Variants in PLIN3 observed in about 807,000 individuals in gnomAD.
PLIN3 encodes perilipin-3.
PLIN3 carries 30 observed loss-of-function variants against 35.9 expected under a neutral mutation model. The ratio of observed to expected loss-of-function variants is 0.84; its 90% CI spans 0.62 to 1.13. The LOEUF (loss-of-function observed/expected upper bound fraction) is 1.13, where lower values mean the gene tolerates loss of function less well. Among genes scored for constraint, PLIN3 ranks in the 50% most tolerant of loss-of-function variants. The probability of loss-of-function intolerance (pLI) is 0.00; values close to 1 mark genes in which losing one functional copy is unlikely to be tolerated. For missense variants in PLIN3, 603 were observed against 596.9 expected (o/e 1.01, Z -0.11); for synonymous variants, 261 against 262.5 (o/e 0.99, Z 0.06).
At chr19:4,851,910 G>A in intron 5 of PLIN3, 106 bp downstream of exon 5, 3 of 1,196,738 alleles carry the variant, frequency 2.5e-6, no homozygotes, top group East Asian at 2.5e-5. Flanking sequence ...GAAGTGGCAG[G>A]GACGAGGCGG....
chr19:4,846,311 G>A (rs1490033650), intron 6 of PLIN3, among the ~76,000 whole-genome samples: 3 of 123,262 alleles, frequency 2.4e-5, no homozygotes, highest in African/African-American at 8.9e-5. Flanking sequence ...GTGAGCCCCT[G>A]TCTCTGGAAA....
intron 1 of PLIN3, among the ~76,000 whole-genome samples, chr19:4,864,352 T>C (rs1043072028): frequency 6.6e-6 from 1 of 151,936 alleles, no homozygotes; most frequent in African/African-American, 2.4e-5. Context: ...GGTTTCACTA[T>C]GTTGGTCAGG....
chr19:4,864,634 T>A (rs12983813), intron 1 of PLIN3, among the ~76,000 whole-genome samples: 15 of 152,054 alleles, frequency 9.9e-5, no homozygotes, highest in East Asian at 9.7e-4. Flanking sequence ...AGGCTTTTTT[T>A]AAAAAGTGAG....
chr19:4,839,546 G>GTCC lies in PLIN3; in HGVS notation c.961-11_961-10insGGA. On this transcript the variant is annotated splice_polypyrimidine_tract_variant and intron_variant, in intron 7 of 7. Coordinates refer to ENST00000221957, the MANE Select transcript of PLIN3 (RefSeq NM_005817.5). ...CCCGGGACTCGACCTGCTGAGAAGG[G>GTCC]AGATGGGGACACCAATCAGGACCAT... 1.3e-6 allele frequency: 2 copies of GTCC among 1,506,904 alleles called. No individual in the cohort carries two copies. The highest frequency in any genetic ancestry group is 1.8e-6 in the Non-Finnish European group (2 of 1,125,746). 93.3% of individuals were successfully genotyped at this position (1,506,904 alleles called of 1,614,324 possible). A position where few individuals can be genotyped will look rare whatever the true frequency, so the allele number is the denominator to read the frequency against.
intron 6 of PLIN3, among the ~76,000 whole-genome samples, chr19:4,845,651 G>C (rs11672233): frequency 0.51 from 77,864 of 151,702 alleles, 20,139 homozygotes; most frequent in South Asian, 0.56. Flanking sequence ...TCGGCCGAGC[G>C]CAGTGGCTCA....
intron 6 of PLIN3, among the ~76,000 whole-genome samples, chr19:4,846,855 A>G (rs968662840): frequency 2.6e-5 from 4 of 151,728 alleles, no homozygotes; most frequent in Non-Finnish European, 4.4e-5. Context: ...GAGAAAATAA[A>G]TATCTGTTGT....
chr19:4,839,666 A>C, intron 7 of PLIN3, 130 bp from the exon 8 acceptor site: 1 of 608,202 alleles, frequency 1.6e-6, no homozygotes, highest in Non-Finnish European at 2.5e-6. Flanking sequence ...CATAGGCGAA[A>C]CTTTTTTTTT....
chr19:4,855,306 G>A (rs891833602), intron 4 of PLIN3, among the ~76,000 whole-genome samples: 2 of 144,532 alleles, frequency 1.4e-5, no homozygotes, highest in Admixed American at 1.4e-4. Flanking sequence ...CAGTGACCTT[G>A]AAGAATTCAC....
In PLIN3 at chr19:4,859,917, A is replaced by G. The variant is rs2146213746; in HGVS notation, c.174T>C (p.Thr58=). The G allele has an allele frequency of 1.2e-6, 2 of 1,614,028 alleles. No homozygotes were observed. The highest frequency in any genetic ancestry group is 1.1e-5 in the South Asian group (1 of 91,074). Residue 58 remains threonine (T), a synonymous_variant, in exon 3 of 8, where the codon ACT becomes ACC. Coordinates refer to ENST00000221957, the MANE Select transcript of PLIN3 (RefSeq NM_005817.5). ...CTCCCTTCTCTGCTGCGTCGCAGAC[A>G]GTCTTGATGTGCGGGTAGCTCTCCT... is the stretch of plus-strand genomic sequence containing the variant. ...STKESYPHIK[T]VCDAAEKGVR... is the part of the protein sequence containing the mutation.
chr19:4,861,306 C>T, intron 2 of PLIN3, 23 bp downstream of exon 2: 4 of 1,606,820 alleles, frequency 2.5e-6, no homozygotes, highest in Non-Finnish European at 3.4e-6. Context: ...TCGGGGCAGT[C>T]CCTGGTCCCG....
intron 6 of PLIN3, among the ~76,000 whole-genome samples, chr19:4,845,925 CAAAAA>C (rs59469893): frequency 1.2e-3 from 55 of 46,656 alleles, no homozygotes; most frequent in African/African-American, 4.5e-3. Flanking sequence ...GACTCCGTCT[CAAAAA>C]AAAAAAAAAA....
At chr19:4,866,543 C>G (rs1428380902) in intron 1 of PLIN3, 1 of 152,186 alleles carries the variant, frequency 6.6e-6, no homozygotes, top group African/African-American at 2.4e-5. Context: ...CTGGCTTCCA[C>G]GGACAAAGGG....
intron 7 of PLIN3, among the ~76,000 whole-genome samples, chr19:4,842,461 G>A (rs1235367850): frequency 2.6e-5 from 4 of 151,488 alleles, no homozygotes; most frequent in African/African-American, 7.3e-5. Flanking sequence ...TTAGCTGGGC[G>A]TGGTGGCAGG....
chr19:4,859,644 C>A lies in PLIN3; in HGVS notation c.294G>T (p.Arg98Ser). The change falls in exon 4 of 8, where the codon AGG becomes AGT. Residue 98 changes from arginine to serine, a missense_variant. Transcript: ENST00000221957. ...QIASASEYAHRGLDKLEENLP... is the reference protein window; with the variant it reads ...QIASASEYAHSGLDKLEENLP... ...GGTTCTCCTCCAACTTGTCCAGCCCCCTGTGGGCGTATTCGCTGGCTGATG... is the reference window on the plus strand; with the variant it reads ...GGTTCTCCTCCAACTTGTCCAGCCCACTGTGGGCGTATTCGCTGGCTGATG... 1.2e-6 allele frequency: 2 copies of A among 1,614,168 alleles called. No homozygotes were observed. Among genetic ancestry groups the A allele is most frequent in the Non-Finnish European group, 1.7e-6 (2 of 1,180,022 alleles).
chr19:4,842,577 G>A (rs536151742), intron 7 of PLIN3, among the ~76,000 whole-genome samples: 5 of 137,976 alleles, frequency 3.6e-5, no homozygotes, highest in East Asian at 2.1e-4. Context: ...TCCAGCCAGG[G>A]TGACAGAGTG....
chr19:4,851,913 C>T (rs564662863), intron 5 of PLIN3, 103 bp downstream of exon 5: 66 of 1,226,034 alleles, frequency 5.4e-5, no homozygotes, highest in Non-Finnish European at 6.8e-5. Flanking sequence ...GTGGCAGGGA[C>T]GAGGCGGCAG....
At chr19:4,852,979 T>G (rs1181619942) in intron 4 of PLIN3, among the ~76,000 whole-genome samples, 3 of 151,770 alleles carry the variant, frequency 2.0e-5, no homozygotes, top group African/African-American at 7.3e-5. Context: ...CACGCCAGGC[T>G]AATTTTGTAT....
Position 4,839,171 on chromosome 19 carries a change from G to T in PLIN3, c.*21C>A. The T allele has an allele frequency of 2.6e-6, 4 of 1,567,550 alleles. No homozygotes were observed. Among genetic ancestry groups the T allele is most frequent in the South Asian group, 2.3e-5 (2 of 86,802 alleles). Reference sequence around the variant, plus strand: ...CAGCTGCATTATAGAGACGGGGCCCGCTGAGTCCTCTCCTCTCCCCCTACT... The same window carrying T: ...CAGCTGCATTATAGAGACGGGGCCCTCTGAGTCCTCTCCTCTCCCCCTACT... On this transcript the variant is annotated 3_prime_UTR_variant, in exon 8 of 8. Coordinates refer to ENST00000221957, the MANE Select transcript of PLIN3 (RefSeq NM_005817.5).
At chr19:4,856,682 C>T (rs2656950) in intron 4 of PLIN3, among the ~76,000 whole-genome samples, 125,238 of 151,308 alleles carry the variant, frequency 0.83, 52,035 homozygotes, top group East Asian at 0.93. Context: ...CCGATTAAGC[C>T]TCACACTTAT....
Sources: gnomAD v4.1 joint callset for allele counts (sites outside exome capture counted in the v4.1 genomes callset) on GRCh38, gnomAD v4.1.1 for gene constraint, MANE v1.5 for transcripts, NCBI Gene and HGNC (gene_info 2026-07-23, HGNC 2026-07-21) for gene names.